The following DOCK9 variants were observed in gnomAD, a reference collection of about 807,000 sequenced individuals.
DOCK9 encodes dedicator of cytokinesis protein 9.
A neutral mutation model predicts 263.3 loss-of-function variants in DOCK9; 89 were observed. The ratio of observed to expected loss-of-function variants is 0.34; its 90% CI spans 0.28 to 0.40. The LOEUF (loss-of-function observed/expected upper bound fraction) is 0.40. Ranked by LOEUF, DOCK9 falls within the 10% of genes least tolerant of loss-of-function variation. The pLI, the probability that DOCK9 is intolerant of heterozygous loss-of-function variation, is 1.00. For missense variants in DOCK9, 2,140 were observed against 2,603.4 expected (o/e 0.82, Z 3.87); for synonymous variants, 976 against 973.1 (o/e 1.00, Z -0.06).
At chr13:99,087,809 C>CCGTTGCCTTCCGATGGACAGTT (rs1290909895), upstream of DOCK9, 3 of 152,476 alleles carry the variant, frequency 2.0e-5, no homozygotes, top group African/African-American at 7.2e-5. Context: ...CACGCCACGC[C>CCGTTGCCTTCCGATGGACAGTT]CGTTGCCTTC....
chr13:98,869,226 A>G (rs1479332858), intron 27 of DOCK9, among the ~76,000 whole-genome samples: 1 of 152,246 alleles, frequency 6.6e-6, no homozygotes, highest in Non-Finnish European at 1.5e-5. Context: ...ACAAAATTAC[A>G]CTCAGATTAC....
At chr13:98,996,630 G>A (rs1293570013) in intron 1 of DOCK9, among the ~76,000 whole-genome samples, 1 of 152,190 alleles carries the variant, frequency 6.6e-6, no homozygotes, top group East Asian at 1.9e-4. Flanking sequence ...TTTGAATGCA[G>A]CCCAACACAA....
intron 27 of DOCK9, among the ~76,000 whole-genome samples, chr13:98,869,771 C>T (rs1473252786): frequency 5.3e-5 from 8 of 152,250 alleles, no homozygotes; most frequent in Admixed American, 2.0e-4. Flanking sequence ...AGGTATGAGC[C>T]ACATGACCAA....
At chr13:99,038,326 TAG>T (rs1298959921) in intron 1 of DOCK9, among the ~76,000 whole-genome samples, 2 of 122,888 alleles carry the variant, frequency 1.6e-5, no homozygotes, top group African/African-American at 6.4e-5. Flanking sequence ...TTTTTGGAGA[TAG>T]AGTCTCACTC....
intron 1 of DOCK9, among the ~76,000 whole-genome samples, chr13:99,023,283 A>G (rs1329408890): frequency 3.3e-5 from 5 of 152,268 alleles, no homozygotes; most frequent in Admixed American, 3.3e-4. Context: ...CTACACACAC[A>G]ATGGAATACT....
intron 1 of DOCK9, among the ~76,000 whole-genome samples, chr13:99,008,235 T>TATATATATATATATATA (rs1491213376): frequency 8.6e-5 from 5 of 58,096 alleles, no homozygotes; most frequent in South Asian, 7.0e-4. Context: ...TATATATATA[T>TATATATATATATATATA]TTTTTTTTTT....
At chr13:98,939,094 G>A (rs1389513860) in intron 2 of DOCK9, among the ~76,000 whole-genome samples, 1 of 152,250 alleles carries the variant, frequency 6.6e-6, no homozygotes, top group Non-Finnish European at 1.5e-5. Context: ...AGCCTCCCAG[G>A]TAGTTCTCGA....
intron 33 of DOCK9, chr13:98,860,163 A>G (rs1174114136): frequency 7.5e-7 from 1 of 1,341,882 alleles, no homozygotes; most frequent in Non-Finnish European, 9.6e-7. Flanking sequence ...ACAAAAAGCA[A>G]ACAGCGTGAG....
chr13:98,824,331 A>G, intron 45 of DOCK9, 67 bp downstream of exon 45: 1 of 1,396,296 alleles, frequency 7.2e-7, no homozygotes. Flanking sequence ...CTGATGCACT[A>G]GCAATGCAAA....
intron 1 of DOCK9, among the ~76,000 whole-genome samples, chr13:98,993,749 AAAAT>A (rs1159479456): frequency 2.0e-5 from 3 of 151,460 alleles, no homozygotes; most frequent in Non-Finnish European, 2.9e-5. Context: ...TCAAAAAATA[AAAAT>A]AAATAAAGTT....
At position 98,823,881 on chromosome 13, in the gene DOCK9, T is replaced by C. The variant is rs1594365342; in HGVS notation, c.5130+517A>G. 2.6e-5 allele frequency among the ~76,000 whole-genome samples: 4 copies of C among 152,144 alleles called. No homozygotes were observed. In the South Asian group the frequency reaches 6.2e-4, roughly 24 times the overall value. ...TAGGGGGTGCGACAGGGTGGTCCTG[T>C]TTCCTAAGGGCCCATAGGACCTGCG... On this transcript the variant is annotated intron_variant, in intron 45 of 52. Transcript: ENST00000682017.
chr13:98,906,460 A>G (rs1420981962), intron 9 of DOCK9, among the ~76,000 whole-genome samples: 1 of 152,152 alleles, frequency 6.6e-6, no homozygotes, highest in East Asian at 1.9e-4. Context: ...CTCTAAGTCT[A>G]TATTCTGTTC....
chr13:98,973,381 G>A (rs2059925705), intron 1 of DOCK9, among the ~76,000 whole-genome samples: 1 of 152,202 alleles, frequency 6.6e-6, no homozygotes, highest in Non-Finnish European at 1.5e-5. Context: ...CTGTCTGAGA[G>A]ACAGAAGAGT....
At chr13:98,958,948 C>T (rs1014098133) in intron 1 of DOCK9, among the ~76,000 whole-genome samples, 1 of 152,160 alleles carries the variant, frequency 6.6e-6, no homozygotes, top group Non-Finnish European at 1.5e-5. Flanking sequence ...TGTTTCCCCC[C>T]AAGGTGTATC....
At chr13:98,978,112 C>T, upstream of DOCK9, 1 of 1,390,604 alleles carries the variant, frequency 7.2e-7, no homozygotes, top group Non-Finnish European at 9.3e-7. Context: ...AGGGGTGTTA[C>T]TACTCCATGC....
intron 4 of DOCK9, among the ~76,000 whole-genome samples, chr13:98,924,848 C>A (rs1273015767): frequency 2.6e-5 from 4 of 152,048 alleles, no homozygotes; most frequent in Non-Finnish European, 5.9e-5. Context: ...CTTGTACAAC[C>A]TGCAGAACTA....
intron 1 of DOCK9, among the ~76,000 whole-genome samples, chr13:99,019,050 T>A (rs1174827285): frequency 6.6e-6 from 1 of 152,108 alleles, no homozygotes; most frequent in Non-Finnish European, 1.5e-5. Context: ...TATCATTCAA[T>A]CACAGGCAGG....
At chr13:99,072,331 T>G (rs913755753) in intron 1 of DOCK9, among the ~76,000 whole-genome samples, 2 of 152,148 alleles carry the variant, frequency 1.3e-5, no homozygotes, top group Non-Finnish European at 2.9e-5. Context: ...ATTTAGAGGG[T>G]GAAGTAGGAC....
intron 1 of DOCK9, among the ~76,000 whole-genome samples, chr13:99,049,650 G>T (rs966270891): frequency 7.2e-5 from 11 of 152,102 alleles, no homozygotes; most frequent in African/African-American, 1.9e-4. Flanking sequence ...ACATAGCTGG[G>T]ACCACAGGTG....
Sources: gnomAD v4.1 joint callset for allele counts (sites outside exome capture counted in the v4.1 genomes callset) on GRCh38, gnomAD v4.1.1 for gene constraint, MANE v1.5 for transcripts, NCBI Gene and HGNC (gene_info 2026-07-23, HGNC 2026-07-21) for gene names.